ADCY9: variants seen among roughly 807,000 people sequenced by gnomAD.
The protein encoded by ADCY9 is adenylate cyclase type 9.
Under a neutral mutation model 101.5 loss-of-function variants are expected in ADCY9, and 50 were observed. That is an observed-to-expected ratio of 0.49 (90% confidence interval 0.39 to 0.62). The LOEUF is 0.62. ADCY9 is among the 20% of genes least tolerant of loss of function. The pLI is 0.00. For missense variants in ADCY9, 1,662 were observed against 1,800.4 expected (o/e 0.92, Z 1.39); for synonymous variants, 905 against 769.3 (o/e 1.18, Z -2.92).
At chr16:3,983,148 G>C in intron 7 of ADCY9, 84 bp downstream of exon 7, 1 of 1,322,312 alleles carries the variant, frequency 7.6e-7, no homozygotes, top group Non-Finnish European at 1.0e-6. Context: ...CTGGGGACCA[G>C]TCCAACCGCT....
In ADCY9 at chr16:4,056,235, G is replaced by T. The variant is rs146408257; in HGVS notation, c.1694-48677C>A. Among the ~76,000 whole-genome samples, 40 of 152,242 alleles carry T rather than the reference G, an allele frequency of 2.6e-4. No homozygotes were observed. The East Asian group carries it at 7.3e-3, about 28-fold the overall frequency. ...TTTCCTACCTGTGCAAAATGCTGTG[G>T]CTTCAAAGTAATGTTTTGTTGTGTT... is the stretch of plus-strand genomic sequence containing the variant. On this transcript the variant is annotated intron_variant, in intron 2 of 10. Transcript: ENST00000294016.
intron 2 of ADCY9, among the ~76,000 whole-genome samples, chr16:4,093,719 A>G (rs1458820618): frequency 6.6e-6 from 1 of 152,224 alleles, no homozygotes; most frequent in Non-Finnish European, 1.5e-5. Context: ...AGATCACGTC[A>G]CTGCACTCCA....
downstream of ADCY9, among the ~76,000 whole-genome samples, chr16:3,962,268 A>C (rs2055944783): frequency 6.6e-6 from 1 of 151,780 alleles, no homozygotes; most frequent in South Asian, 2.1e-4. Context: ...ACCTGCAATC[A>C]CTCTTTCCTT....
downstream of ADCY9, among the ~76,000 whole-genome samples, chr16:3,960,053 C>T (rs547471086): frequency 1.3e-5 from 2 of 151,568 alleles, no homozygotes; most frequent in African/African-American, 2.4e-5. Context: ...AAAATAAAAA[C>T]GCATGTAACA....
intron 2 of ADCY9, among the ~76,000 whole-genome samples, chr16:4,026,734 CAGT>C (rs1448223912): frequency 1.3e-5 from 2 of 152,094 alleles, no homozygotes; most frequent in Non-Finnish European, 2.9e-5. Flanking sequence ...TGGAAGAAAC[CAGT>C]CTTCAAAGGG....
chr16:3,993,771 T>C (rs1357185127), intron 3 of ADCY9, among the ~76,000 whole-genome samples: 1 of 152,128 alleles, frequency 6.6e-6, no homozygotes, highest in Admixed American at 6.6e-5. Context: ...CAACAAACTG[T>C]GGTCTATTCG....
intron 2 of ADCY9, among the ~76,000 whole-genome samples, chr16:4,053,317 G>A (rs2056713810): frequency 6.6e-6 from 1 of 152,210 alleles, no homozygotes; most frequent in South Asian, 2.1e-4. Flanking sequence ...GAAGAGAGAA[G>A]ATGCGTTTGG....
intron 2 of ADCY9, among the ~76,000 whole-genome samples, chr16:4,107,550 C>CAAA (rs61565312): frequency 0.014 from 1,044 of 72,726 alleles, 160 homozygotes; most frequent in Middle Eastern, 0.029. Flanking sequence ...GACTCTGTCT[C>CAAA]AAAAAAAAAA....
intron 10 of ADCY9, among the ~76,000 whole-genome samples, chr16:3,970,858 C>T (rs923257165): frequency 2.6e-5 from 4 of 152,154 alleles, no homozygotes; most frequent in East Asian, 3.9e-4. Flanking sequence ...TCAGTTTCCT[C>T]GCTTGTAAGC....
intron 2 of ADCY9, among the ~76,000 whole-genome samples, chr16:4,071,666 C>T (rs971114507): frequency 6.6e-6 from 1 of 152,134 alleles, no homozygotes; most frequent in Non-Finnish European, 1.5e-5. Flanking sequence ...TATCTGCCTA[C>T]AATTTGGGCT....
At chr16:3,977,793 T>A (rs1336340090) in intron 8 of ADCY9, among the ~76,000 whole-genome samples, 163 bp from the exon 9 acceptor site, 1 of 152,180 alleles carries the variant, frequency 6.6e-6, no homozygotes, top group Non-Finnish European at 1.5e-5. Context: ...CTCAGCTCAC[T>A]GCAACCTCTG....
chr16:4,100,610 C>T (rs917171556), intron 2 of ADCY9, among the ~76,000 whole-genome samples: 1 of 151,950 alleles, frequency 6.6e-6, no homozygotes, highest in African/African-American at 2.4e-5. Flanking sequence ...GGATTACAGG[C>T]GTGAGCCATG....
intron 2 of ADCY9, among the ~76,000 whole-genome samples, chr16:4,055,783 G>A (rs1483471987): frequency 6.6e-6 from 1 of 151,862 alleles, no homozygotes. Flanking sequence ...GCAGTGAGCC[G>A]AGATGGTGCC....
At chr16:4,049,612 C>A (rs2056687812) in intron 2 of ADCY9, among the ~76,000 whole-genome samples, 1 of 152,118 alleles carries the variant, frequency 6.6e-6, no homozygotes. Context: ...ATAAAAGTGA[C>A]CCTCTGAGTC....
At chr16:4,008,786 C>T (rs2056384313) in intron 2 of ADCY9, among the ~76,000 whole-genome samples, 1 of 152,160 alleles carries the variant, frequency 6.6e-6, no homozygotes, top group African/African-American at 2.4e-5. Context: ...TGGCCTAGAA[C>T]TCCTAGTGAT....
intron 2 of ADCY9, among the ~76,000 whole-genome samples, chr16:4,022,165 C>G (rs1030903006): frequency 6.6e-6 from 1 of 152,134 alleles, no homozygotes; most frequent in African/African-American, 2.4e-5. Flanking sequence ...ATGCTTCTCC[C>G]TGCCCAGAGA....
At chr16:4,015,867 C>T (rs889271173) in intron 2 of ADCY9, among the ~76,000 whole-genome samples, 43 of 151,788 alleles carry the variant, frequency 2.8e-4, no homozygotes, top group African/African-American at 9.9e-4. Flanking sequence ...ACTCGGGAGG[C>T]TAAGGCAGGA....
At chr16:4,016,923 T>C (rs9925674) in intron 2 of ADCY9, among the ~76,000 whole-genome samples, 144,272 of 152,286 alleles carry the variant, frequency 0.95, 68,783 homozygotes, top group East Asian at 1. Context: ...ACCATGAATA[T>C]ACTAAAAACC....
In ADCY9 at chr16:4,017,286, C is replaced by T. The variant is rs1242221052; in HGVS notation, c.1694-9728G>A. Among the ~76,000 whole-genome samples, 4 of 149,462 alleles carry T rather than the reference C, an allele frequency of 2.7e-5. 1 individual carries two copies. Among genetic ancestry groups the T allele is most frequent in the Non-Finnish European group, 5.9e-5 (4 of 67,478 alleles). On this transcript the variant is annotated intron_variant, in intron 2 of 10. Transcript: ENST00000294016. ...AAAATAAAGCTGGGAAGAAATACACCCTCCCTGAGAATACAAGGTAGAGTG... is the reference window on the plus strand; with the variant it reads ...AAAATAAAGCTGGGAAGAAATACACTCTCCCTGAGAATACAAGGTAGAGTG...
Sources: gnomAD v4.1 joint callset for allele counts (sites outside exome capture counted in the v4.1 genomes callset) on GRCh38, gnomAD v4.1.1 for gene constraint, MANE v1.5 for transcripts, NCBI Gene and HGNC (gene_info 2026-07-23, HGNC 2026-07-21) for gene names.